Variants in METTL15 observed in about 807,000 individuals in gnomAD.
METTL15 encodes methyltransferase 15, mitochondrial 12S rRNA N4-cytidine, also known as 12S rRNA N(4)-cytidine methyltransferase METTL15.
In METTL15, 34 loss-of-function variants were observed where a neutral mutation model predicts 38.3. The ratio of observed to expected loss-of-function variants is 0.89; its 90% CI spans 0.68 to 1.18. The LOEUF (loss-of-function observed/expected upper bound fraction) is 1.18. Among genes scored for constraint, METTL15 ranks in the 50% most tolerant of loss-of-function variants. METTL15 has a pLI of 0.00. For missense variants in METTL15, 438 were observed against 498.4 expected (o/e 0.88, Z 1.15); for synonymous variants, 162 against 170.9 (o/e 0.95, Z 0.41).
At chr11:28,486,580 C>T (rs1016378563) in intron 6 of METTL15, among the ~76,000 whole-genome samples, 5 of 152,030 alleles carry the variant, frequency 3.3e-5, no homozygotes, top group East Asian at 3.9e-4. Flanking sequence ...ATAAAGCCTG[C>T]GCCTCTCTAG....
chr11:28,213,100 C>T (rs755760183), intron 4 of METTL15, among the ~76,000 whole-genome samples: 6 of 152,160 alleles, frequency 3.9e-5, no homozygotes, highest in Non-Finnish European at 8.8e-5. Context: ...GTATTCCAAT[C>T]TCTAGCCTCA....
intron 5 of METTL15, among the ~76,000 whole-genome samples, chr11:28,370,475 A>C (rs893435540): frequency 6.6e-6 from 1 of 151,728 alleles, no homozygotes; most frequent in Non-Finnish European, 1.5e-5. Context: ...TCTTATTTTT[A>C]TTCTGTATTT....
intron 6 of METTL15, among the ~76,000 whole-genome samples, chr11:28,472,369 C>T (rs1164782110): frequency 6.6e-6 from 1 of 152,090 alleles, no homozygotes; most frequent in Non-Finnish European, 1.5e-5. Context: ...ACATGAATCC[C>T]TATCTTTTAG....
chr11:28,484,471 G>C lies in METTL15; in HGVS notation c.*425-42007G>C, dbSNP rs182497295. 3.3e-5 allele frequency among the ~76,000 whole-genome samples: 5 copies of C among 152,150 alleles called. No homozygotes were observed. In the East Asian group the frequency reaches 7.7e-4, roughly 24 times the overall value. ...CCCAGCCTACATGTCTTTCAACCCCGGACTGCCTATGGTATGCTGTTGTTT... is the reference window on the plus strand; with the variant it reads ...CCCAGCCTACATGTCTTTCAACCCCCGACTGCCTATGGTATGCTGTTGTTT... On this transcript the variant is annotated intron_variant and NMD_transcript_variant, in intron 6 of 7. Coordinates refer to the METTL15 transcript ENST00000532947.
chr11:28,196,002 T>C (rs923767205), intron 3 of METTL15, among the ~76,000 whole-genome samples: 11 of 152,046 alleles, frequency 7.2e-5, no homozygotes, highest in Non-Finnish European at 1.2e-4. Flanking sequence ...TGAAGATCAG[T>C]TGGTTGTTAA....
At chr11:28,334,866 G>A (rs1849886687), downstream of METTL15, among the ~76,000 whole-genome samples, 1 of 152,078 alleles carries the variant, frequency 6.6e-6, no homozygotes, top group African/African-American at 2.4e-5. Context: ...GCTTGTCACT[G>A]ACTTTTTGGC....
chr11:28,230,636 A>G (rs1853648616), intron 4 of METTL15, among the ~76,000 whole-genome samples: 1 of 151,912 alleles, frequency 6.6e-6, no homozygotes, highest in Non-Finnish European at 1.5e-5. Context: ...AAGAGTGAAA[A>G]CAATAGTTGT....
rs1590169220 is a variant in METTL15 at position 28,214,527 on chromosome 11, T to C, written c.407+3329T>C. On this transcript the variant is annotated intron_variant, in intron 4 of 6. Transcript: ENST00000407364. ...TGTTCCGTGTCAGGTAGTTAATCAA[T>C]GATAGGTTGATAAGCATGACAATAA... 3.3e-5 allele frequency among the ~76,000 whole-genome samples: 5 copies of C among 152,172 alleles called. No individual in the cohort carries two copies. The East Asian group carries it at 9.6e-4, about 29-fold the overall frequency.
intron 6 of METTL15, among the ~76,000 whole-genome samples, chr11:28,511,306 T>C (rs561028555): frequency 4.6e-5 from 7 of 152,376 alleles, no homozygotes; most frequent in African/African-American, 1.7e-4. Flanking sequence ...TATTAACATG[T>C]ATTTTGTATG....
At chr11:28,531,599 T>C (rs1299581563), downstream of METTL15, among the ~76,000 whole-genome samples, 1 of 152,084 alleles carries the variant, frequency 6.6e-6, no homozygotes, top group South Asian at 2.1e-4. Context: ...TAATAATGCC[T>C]ACCTCACCGT....
intron 2 of METTL15, among the ~76,000 whole-genome samples, chr11:28,110,604 G>A (rs1001083277): frequency 1.3e-5 from 2 of 152,300 alleles, no homozygotes; most frequent in South Asian, 4.1e-4. Flanking sequence ...TTAGGCAAAA[G>A]GGTGTATTTT....
At chr11:28,352,989 A>C (rs1850055313) in intron 4 of METTL15, among the ~76,000 whole-genome samples, 1 of 152,226 alleles carries the variant, frequency 6.6e-6, no homozygotes, top group Non-Finnish European at 1.5e-5. Context: ...AAATTTTGTC[A>C]GGCATCAGTA....
At chr11:28,378,160 T>C (rs1392897051) in intron 5 of METTL15, among the ~76,000 whole-genome samples, 1 of 152,174 alleles carries the variant, frequency 6.6e-6, no homozygotes, top group East Asian at 1.9e-4. Context: ...CAGGCAGGCC[T>C]CCTTGAGCTG....
chr11:28,468,918 G>A (rs968766829), intron 6 of METTL15, among the ~76,000 whole-genome samples: 6 of 152,168 alleles, frequency 3.9e-5, no homozygotes, highest in Non-Finnish European at 8.8e-5. Context: ...AGACCAATTT[G>A]GGGGGCATAG....
intron 5 of METTL15, among the ~76,000 whole-genome samples, chr11:28,419,545 A>G (rs1850802360): frequency 6.6e-6 from 1 of 152,298 alleles, no homozygotes; most frequent in East Asian, 1.9e-4. Flanking sequence ...AGAAGGACAG[A>G]TACAAACAAG....
intron 5 of METTL15, among the ~76,000 whole-genome samples, chr11:28,291,946 A>G (rs1008074511): frequency 6.6e-6 from 1 of 152,200 alleles, no homozygotes; most frequent in East Asian, 1.9e-4. Context: ...AATGGATGAA[A>G]TTAGAGTTAA....
At chr11:28,355,305 G>A (rs1267775857) in intron 4 of METTL15, among the ~76,000 whole-genome samples, 1 of 152,130 alleles carries the variant, frequency 6.6e-6, no homozygotes, top group East Asian at 1.9e-4. Flanking sequence ...AAATATTGAG[G>A]TTTTTCTAGG....
At chr11:28,303,449 T>C (rs1856978343) in intron 6 of METTL15, among the ~76,000 whole-genome samples, 1 of 152,150 alleles carries the variant, frequency 6.6e-6, no homozygotes, top group Admixed American at 6.6e-5. Context: ...CATTGAGATT[T>C]AGGTTAAATA....
At chr11:28,375,756 G>C (rs922764333) in intron 5 of METTL15, among the ~76,000 whole-genome samples, 3 of 152,106 alleles carry the variant, frequency 2.0e-5, no homozygotes, top group Non-Finnish European at 4.4e-5. Context: ...TAATTGTGAT[G>C]TTAGGGTGTC....
Sources: allele counts gnomAD v4.1 joint callset (sites outside exome capture counted in the v4.1 genomes callset), GRCh38; gene constraint gnomAD v4.1.1; transcripts MANE v1.5; gene names NCBI Gene and HGNC (gene_info 2026-07-23, HGNC 2026-07-21).